HHAT: variants seen among roughly 807,000 people sequenced by gnomAD.
The protein encoded by HHAT is hedgehog acyltransferase.
A neutral mutation model predicts 70.8 loss-of-function variants in HHAT; 47 were observed. The observed-to-expected ratio is 0.66, with a 90% CI of 0.53 to 0.85. The LOEUF (loss-of-function observed/expected upper bound fraction) is 0.85, where lower values mean the gene tolerates loss of function less well. Among genes scored for constraint, HHAT ranks in the 40% least tolerant of loss-of-function variants. The probability of loss-of-function intolerance (pLI) is 0.00; values close to 1 mark genes in which losing one functional copy is unlikely to be tolerated. For missense variants in HHAT, 609 were observed against 604.8 expected (o/e 1.01, Z -0.07); for synonymous variants, 228 against 247.6 (o/e 0.92, Z 0.74).
intron 8 of HHAT, among the ~76,000 whole-genome samples, chr1:210,510,611 T>C: frequency 6.6e-6 from 1 of 152,170 alleles, no homozygotes; most frequent in East Asian, 1.9e-4. Context: ...TGAAAGGCAG[T>C]GAGAACCCTG....
intron 1 of HHAT, among the ~76,000 whole-genome samples, chr1:210,337,435 A>G (rs1286931184): frequency 6.6e-6 from 1 of 152,170 alleles, no homozygotes; most frequent in South Asian, 2.1e-4. Flanking sequence ...ACACACATTT[A>G]TTACCTTATG....
intron 10 of HHAT, among the ~76,000 whole-genome samples, chr1:210,591,715 G>GATCTGTCCCCA (rs1463438074): frequency 6.6e-6 from 1 of 151,754 alleles, no homozygotes; most frequent in Non-Finnish European, 1.5e-5. Flanking sequence ...CAGCTTTTTA[G>GATCTGTCCCCA]GTAAAAGCCA....
chr1:210,456,580 A>G (rs1228166856), intron 7 of HHAT, among the ~76,000 whole-genome samples: 3 of 152,198 alleles, frequency 2.0e-5, no homozygotes, highest in South Asian at 2.1e-4. Flanking sequence ...AGGCAGGTAG[A>G]TTACATGTGT....
intron 10 of HHAT, among the ~76,000 whole-genome samples, chr1:210,622,186 C>T (rs1195484976): frequency 6.6e-6 from 1 of 152,208 alleles, no homozygotes; most frequent in Non-Finnish European, 1.5e-5. Context: ...GTCATTGAGT[C>T]ATTCCGAGTT....
In HHAT at chr1:210,550,501, T is replaced by C. The variant is rs1223521026; in HGVS notation, c.1043+37313T>C. Among the ~76,000 whole-genome samples, 4 of 149,066 alleles carry C rather than the reference T, an allele frequency of 2.7e-5. 2 individuals are homozygous for C. In the East Asian group the frequency reaches 8.9e-4, roughly 33 times the overall value. ...CTGTTCAGCTTAAATGATATGAAGC[T>C]GTGAGCACGGTAACGAGCACATAGT... On this transcript the variant is annotated intron_variant, in intron 9 of 11. Transcript: ENST00000261458.
At chr1:210,374,110 A>G (rs2089896630) in intron 3 of HHAT, 2 of 147,690 alleles carry the variant, frequency 1.4e-5, no homozygotes, top group East Asian at 2.0e-4. Context: ...CTAAAGTTGC[A>G]CCATAATGTT....
In HHAT at chr1:210,507,411, A is replaced by C. The variant is rs555691662; in HGVS notation, c.1008-5742A>C. The stretch of plus-strand genomic sequence containing the variant: ...AGTCTTGCTTTGTCGCCCAGGCTGG[A>C]GTGCAGTGGTGCAATCTCGGCTCAC... On this transcript the variant is annotated intron_variant, in intron 8 of 11. Transcript: ENST00000261458. 2.4e-5 allele frequency among the ~76,000 whole-genome samples: 3 copies of C among 125,230 alleles called. No homozygotes were observed. The East Asian group carries it at 6.9e-4, about 29-fold the overall frequency. The allele number at this position is 125,230 out of a possible 152,430, so 82.2% of individuals were successfully genotyped here.
At chr1:210,373,046 TG>T (rs2089717099) in intron 3 of HHAT, among the ~76,000 whole-genome samples, 1 of 152,248 alleles carries the variant, frequency 6.6e-6, no homozygotes, top group South Asian at 2.1e-4. Context: ...ATTGTAGTCA[TG>T]TCTGGGAGTA....
intron 11 of HHAT, among the ~76,000 whole-genome samples, chr1:210,660,954 TTA>T (rs1677565957): frequency 6.6e-6 from 1 of 152,072 alleles, no homozygotes; most frequent in African/African-American, 2.4e-5. Flanking sequence ...CCCAAAACCA[TTA>T]AAAAACCCTA....
In HHAT at chr1:210,329,601, G is replaced by A. The variant is rs77585801; in HGVS notation, c.-44+497G>A. On this transcript the variant is annotated intron_variant, in intron 1 of 11. Coordinates refer to ENST00000261458, the MANE Select transcript of HHAT (RefSeq NM_018194.6). Reference sequence around the variant, plus strand: ...AACCCTCCCGCTAATCCTCACCAGAGGTACTTTACGGGTAGCATTGGTGTT... The same window carrying A: ...AACCCTCCCGCTAATCCTCACCAGAAGTACTTTACGGGTAGCATTGGTGTT... The A allele has an allele frequency of 9.7e-5, 42 of 435,222 alleles. No homozygotes were observed. In the East Asian group the frequency reaches 5.2e-3, roughly 54 times the overall value. 27.0% of individuals were successfully genotyped at this position (435,222 alleles called of 1,614,324 possible).
intron 3 of HHAT, among the ~76,000 whole-genome samples, chr1:210,365,260 C>T (rs569947433): frequency 6.7e-6 from 1 of 149,096 alleles, no homozygotes; most frequent in East Asian, 2.0e-4. Flanking sequence ...CAGCCCATCC[C>T]TTGAATGTTA....
At chr1:210,387,213 C>G (rs185975936) in intron 3 of HHAT, among the ~76,000 whole-genome samples, 1 of 152,034 alleles carries the variant, frequency 6.6e-6, no homozygotes, top group Non-Finnish European at 1.5e-5. Flanking sequence ...GTAGAAAGTC[C>G]GAGGTGCATT....
chr1:210,394,306 C>A (rs911179845), intron 4 of HHAT, among the ~76,000 whole-genome samples: 2 of 136,354 alleles, frequency 1.5e-5, no homozygotes, highest in African/African-American at 5.4e-5. Context: ...TTCCTTGGCT[C>A]AGTTAAACAC....
chr1:210,458,234 G>A (rs542737170), intron 7 of HHAT, among the ~76,000 whole-genome samples: 28 of 152,162 alleles, frequency 1.8e-4, no homozygotes, highest in Admixed American at 3.3e-4. Flanking sequence ...GATATATGGG[G>A]GCAATACTTG....
At chr1:210,416,989 C>T (rs2092740147) in intron 6 of HHAT, among the ~76,000 whole-genome samples, 1 of 152,124 alleles carries the variant, frequency 6.6e-6, no homozygotes, top group African/African-American at 2.4e-5. Context: ...AGAATTTGAT[C>T]CTGATCCTCT....
intron 8 of HHAT, among the ~76,000 whole-genome samples, chr1:210,499,420 T>C (rs956915922): frequency 2.0e-5 from 3 of 152,222 alleles, no homozygotes; most frequent in Admixed American, 2.0e-4. Flanking sequence ...GCAGATCACT[T>C]GAGGCCAGGA....
At chr1:210,360,726 A>C (rs2088197325) in intron 2 of HHAT, among the ~76,000 whole-genome samples, 2 of 152,180 alleles carry the variant, frequency 1.3e-5, no homozygotes, top group South Asian at 4.1e-4. Context: ...TAAAGATGAC[A>C]TGTAAATAGG....
upstream of HHAT, chr1:210,328,820 C>T (rs375306664): frequency 5.1e-6 from 2 of 395,108 alleles, no homozygotes; most frequent in Non-Finnish European, 8.7e-6. Context: ...CGCGCTCTGG[C>T]CCGCCCCCTG....
intron 9 of HHAT, among the ~76,000 whole-genome samples, chr1:210,549,072 G>A (rs12131405): frequency 0.12 from 17,914 of 152,240 alleles, 1,332 homozygotes; most frequent in Non-Finnish European, 0.17. Context: ...ACTACTTTGG[G>A]CAAGTTGCCT....
Sources: allele counts gnomAD v4.1 joint callset (sites outside exome capture counted in the v4.1 genomes callset), GRCh38; gene constraint gnomAD v4.1.1; transcripts MANE v1.5; gene names NCBI Gene and HGNC (gene_info 2026-07-23, HGNC 2026-07-21).